Variants in PDE11A observed in about 807,000 individuals in gnomAD.
PDE11A encodes the protein phosphodiesterase 11A.
In PDE11A, 100 loss-of-function variants were observed where a neutral mutation model predicts 100.5. That is an observed-to-expected ratio of 1.00 (90% CI 0.85 to 1.18). The LOEUF (loss-of-function observed/expected upper bound fraction) is 1.18. PDE11A is among the 50% of genes most tolerant of loss of function. The pLI is 0.00. For synonymous variants in PDE11A, 381 were observed against 420.8 expected (o/e 0.91, Z 1.16); for missense variants, 1,141 against 1,152.6 (o/e 0.99, Z 0.15).
chr2:177,928,475 G>A (rs914429800), intron 2 of PDE11A, among the ~76,000 whole-genome samples: 29 of 151,506 alleles, frequency 1.9e-4, no homozygotes, highest in African/African-American at 7.0e-4. Flanking sequence ...TCTAGCCTGG[G>A]TAGCAGATGG....
rs75095138 is a variant in PDE11A, at chr2:177,639,437, C to T, written c.2647-9875G>A. ...GTATCTTCAACATCTGGCACAGTGA[C>T]CCCAGGAAGCAGCAGCCTCTCCTCC... On this transcript the variant is annotated intron_variant, in intron 19 of 19. Transcript: ENST00000286063. 4.9e-3 allele frequency among the ~76,000 whole-genome samples: 744 copies of T among 152,158 alleles called. 6 individuals are homozygous for T. Among genetic ancestry groups the T allele is most frequent in the East Asian group, 0.03 (155 of 5,174 alleles).
At chr2:177,921,263 A>G (rs1321520378) in intron 2 of PDE11A, among the ~76,000 whole-genome samples, 6 of 151,710 alleles carry the variant, frequency 4.0e-5, no homozygotes, top group Non-Finnish European at 8.8e-5. Flanking sequence ...ATAAATTTTA[A>G]TATTATTTTC....
chr2:178,095,804 C>T (rs1022169730), intron 2 of PDE11A, among the ~76,000 whole-genome samples: 3 of 152,228 alleles, frequency 2.0e-5, no homozygotes, highest in Non-Finnish European at 4.4e-5. Flanking sequence ...AGGCCCCACA[C>T]CACATAGAAG....
chr2:177,952,347 T>C (rs753233404), intron 2 of PDE11A, among the ~76,000 whole-genome samples: 7 of 152,204 alleles, frequency 4.6e-5, no homozygotes, highest in Non-Finnish European at 7.3e-5. Context: ...CCTTCCCTCA[T>C]TGCATACAGT....
At chr2:177,883,081 C>A (rs908313664) in intron 4 of PDE11A, among the ~76,000 whole-genome samples, 2 of 151,944 alleles carry the variant, frequency 1.3e-5, no homozygotes, top group East Asian at 1.9e-4. Context: ...CCAGCATGAC[C>A]AACATGGTGA....
intron 2 of PDE11A, among the ~76,000 whole-genome samples, chr2:178,101,850 A>G (rs1162250163): frequency 6.6e-6 from 1 of 152,202 alleles, no homozygotes; most frequent in East Asian, 1.9e-4. Context: ...AAATATGCTG[A>G]TATTTTAAAA....
At chr2:177,966,970 T>C (rs769935950) in intron 2 of PDE11A, among the ~76,000 whole-genome samples, 1 of 152,138 alleles carries the variant, frequency 6.6e-6, no homozygotes, top group African/African-American at 2.4e-5. Flanking sequence ...TGGCTATGAA[T>C]CCATCTAATT....
chr2:177,660,691 C>T (rs1270166384), intron 19 of PDE11A, among the ~76,000 whole-genome samples: 1 of 152,178 alleles, frequency 6.6e-6, no homozygotes, highest in Non-Finnish European at 1.5e-5. Context: ...CAATTAGGCA[C>T]ATAAATAAGT....
intron 18 of PDE11A, 82 bp from the exon 19 acceptor site, chr2:177,664,031 G>A (rs1405409387): frequency 2.4e-6 from 2 of 830,690 alleles, no homozygotes; most frequent in Non-Finnish European, 4.2e-6. Context: ...TTGCTAGAAT[G>A]ATCCATTTTT....
At chr2:177,644,433 A>G (rs1235062187) in intron 19 of PDE11A, among the ~76,000 whole-genome samples, 1 of 152,240 alleles carries the variant, frequency 6.6e-6, no homozygotes, top group Non-Finnish European at 1.5e-5. Flanking sequence ...TGGGGCCTTT[A>G]GCCCCTTTGT....
chr2:177,648,757 T>C (rs1311944021), intron 19 of PDE11A, among the ~76,000 whole-genome samples: 1 of 152,086 alleles, frequency 6.6e-6, no homozygotes, highest in Non-Finnish European at 1.5e-5. Flanking sequence ...AGGGAATCAG[T>C]ATATGATAAC....
chr2:177,932,365 T>C (rs2085218811), intron 2 of PDE11A, among the ~76,000 whole-genome samples: 2 of 151,944 alleles, frequency 1.3e-5, no homozygotes, highest in African/African-American at 4.8e-5. Flanking sequence ...AAAAGAAAAC[T>C]ACAGGACAAT....
At chr2:178,008,727 A>G (rs1574338553) in intron 2 of PDE11A, among the ~76,000 whole-genome samples, 1 of 152,168 alleles carries the variant, frequency 6.6e-6, no homozygotes, top group East Asian at 1.9e-4. Context: ...TCATTCAGGC[A>G]CCATCCTCAA....
intron 5 of PDE11A, among the ~76,000 whole-genome samples, chr2:177,847,282 C>T (rs2083616626): frequency 6.6e-6 from 1 of 152,168 alleles, no homozygotes; most frequent in African/African-American, 2.4e-5. Flanking sequence ...AGTGATAGTT[C>T]CCAATAGGTC....
chr2:177,897,917 C>A (rs1208721221), intron 4 of PDE11A, 141 bp downstream of exon 4: 3 of 703,330 alleles, frequency 4.3e-6, no homozygotes, highest in Non-Finnish European at 7.5e-6. Context: ...AAATAAAAAA[C>A]TTGTTTGATG....
At chr2:177,696,747 A>T (rs1367189104) in intron 15 of PDE11A, among the ~76,000 whole-genome samples, 1 of 152,182 alleles carries the variant, frequency 6.6e-6, no homozygotes, top group Non-Finnish European at 1.5e-5. Flanking sequence ...GGTCTTTAAG[A>T]TAGGAGAAAA....
intron 16 of PDE11A, 84 bp from the exon 17 acceptor site, chr2:177,675,602 A>C (rs754384262): frequency 2.0e-6 from 2 of 1,016,726 alleles, no homozygotes; most frequent in Admixed American, 3.8e-5. Context: ...ATAAATAAAT[A>C]AAATAAAATG....
chr2:178,047,889 T>C (rs1271925161), intron 1 of PDE11A, among the ~76,000 whole-genome samples: 1 of 152,148 alleles, frequency 6.6e-6, no homozygotes, highest in African/African-American at 2.4e-5. Flanking sequence ...CCATAGATGA[T>C]GAGTGCAGGG....
chr2:178,015,922 C>T (rs776002509), intron 1 of PDE11A, among the ~76,000 whole-genome samples: 1 of 152,082 alleles, frequency 6.6e-6, no homozygotes, highest in Non-Finnish European at 1.5e-5. Context: ...TCTTCCTGTA[C>T]CTTCTGCACA....
Sources: gnomAD v4.1 joint callset for allele counts (sites outside exome capture counted in the v4.1 genomes callset) on GRCh38, gnomAD v4.1.1 for gene constraint, MANE v1.5 for transcripts, NCBI Gene and HGNC (gene_info 2026-07-23, HGNC 2026-07-21) for gene names.